The following GIPR variants were observed in gnomAD, a reference collection of about 807,000 sequenced individuals.
GIPR encodes GIP-R.
Under a neutral mutation model 62.2 loss-of-function variants are expected in GIPR, and 74 were observed. The ratio of observed to expected loss-of-function variants is 1.19; its 90% CI spans 0.99 to 1.44. GIPR has a LOEUF of 1.44. Among genes scored for constraint, GIPR ranks in the 40% most tolerant of loss-of-function variants. GIPR has a pLI of 0.00. For missense variants in GIPR, 664 were observed against 611.8 expected, an observed-to-expected ratio of 1.09 and a Z score of -0.90; for synonymous variants, 256 against 262.2, an observed-to-expected ratio of 0.98 and a Z score of 0.23.
In GIPR at chr19:45,677,373, G is replaced by A. The variant is rs200602516; in HGVS notation, c.844G>A (p.Glu282Lys). The A allele has an allele frequency of 6.9e-6, 11 of 1,590,080 alleles. No individual in the cohort carries two copies. In the Admixed American group the frequency reaches 1.0e-4, roughly 15 times the overall value. ...CTGGGTGATCGTCAGGTACCTGTAC[G>A]AGAACACGCAGTGAGTTGCAGGGTC... ...IPWVIVRYLY[E>K]NTQCWERNEV... Residue 282 changes from glutamate to lysine, a missense_variant, in exon 9 of 14, where the codon GAG becomes AAG. Coordinates refer to ENST00000590918, the MANE Select transcript of GIPR (RefSeq NM_000164.4).
rs1213828181 is a variant in GIPR at position 45,677,914 on chromosome 19, C to T, written c.933C>T (p.Phe311=). ...CTTATCTCTCCCCACAGATTAATTT[C>T]CTCATTTTTATCCGCATTCTTGGCA... ...TPILMTILIN[F]LIFIRILGIL... is the part of the protein sequence containing the mutation. Residue 311 remains phenylalanine, a synonymous_variant, in exon 11 of 14, where the codon TTC becomes TTT. Transcript: ENST00000590918. 1.2e-6 allele frequency: 2 copies of T among 1,613,810 alleles called. No individual in the cohort carries two copies. Among genetic ancestry groups the T allele is most frequent in the African/African-American group, 1.3e-5 (1 of 74,932 alleles).
rs890799898 is a variant in GIPR, at chr19:45,670,509, C to T, written c.73-126C>T. On this transcript the variant is annotated intron_variant, in intron 2 of 13. Coordinates refer to ENST00000590918, the MANE Select transcript of GIPR (RefSeq NM_000164.4). ...GACTTGGAACTGGTTTCCAAGCTACCCAAGACTCCCGAACAACACGCAACA... is the reference window on the plus strand; with the variant it reads ...GACTTGGAACTGGTTTCCAAGCTACTCAAGACTCCCGAACAACACGCAACA... 1.1e-5 allele frequency: 7 copies of T among 645,992 alleles called. No homozygotes were observed. The East Asian group carries it at 1.7e-4, about 15-fold the overall frequency. The allele number at this position is 645,992 out of a possible 1,614,324, so 40.0% of individuals were successfully genotyped here. A position where few individuals can be genotyped will look rare whatever the true frequency, so the allele number is the denominator to read the frequency against.
chr19:45,677,876 G>A (rs1181700937), intron 10 of GIPR, 30 bp from the exon 11 acceptor site: 3 of 1,608,360 alleles, frequency 1.9e-6, no homozygotes, highest in South Asian at 1.1e-5. Context: ...ATGGGATCGC[G>A]GCTGGCTCAG....
intron 8 of GIPR, 96 bp from the exon 9 acceptor site, chr19:45,677,227 C>A (rs1204365104): frequency 3.7e-5 from 51 of 1,378,994 alleles, no homozygotes; most frequent in Middle Eastern, 2.5e-4. Flanking sequence ...CTTCCCCACC[C>A]CGACAGAGGA....
intron 2 of GIPR, among the ~76,000 whole-genome samples, chr19:45,669,984 GA>G (rs1975453299): frequency 2.0e-5 from 3 of 151,670 alleles, no homozygotes; most frequent in Admixed American, 1.3e-4. Flanking sequence ...AGCGCAAAGA[GA>G]GTTTCAAGAC....
At chr19:45,678,281 A>G (rs1480054520) in intron 12 of GIPR, 55 bp downstream of exon 12, 6 of 1,534,464 alleles carry the variant, frequency 3.9e-6, no homozygotes, top group East Asian at 2.4e-5. Context: ...TCCTCCCCAG[A>G]GGGGCACGAA....
At chr19:45,674,049 C>G (rs749414490) in intron 5 of GIPR, 25 bp from the exon 6 acceptor site, 36 of 1,412,872 alleles carry the variant, frequency 2.5e-5, no homozygotes, top group Non-Finnish European at 3.2e-5. Context: ...AAGCCTTGTT[C>G]CCTTCCCCTT....
Position 45,683,114 on chromosome 19 carries a change from TAG to T in GIPR, c.*1185_*1186del, listed in dbSNP as rs1261302113. On this transcript the variant is annotated 3_prime_UTR_variant, in exon 14 of 14. Transcript: ENST00000590918. ...CTTTGGATGGTGGAGAGACTAAAGA[TAG>T]AGAGATTGGGTTCGGGTAGGGGGAG... 1 of 152,392 alleles carries T rather than the reference TAG, an allele frequency of 6.6e-6. No homozygotes were observed. The highest frequency in any genetic ancestry group is 2.4e-5 in the African/African-American group (1 of 41,244). The allele number at this position is 152,392 out of a possible 1,614,324, so 9.4% of individuals were successfully genotyped here. A position where few individuals can be genotyped will look rare whatever the true frequency, so the allele number is the denominator to read the frequency against.
intron 1 of GIPR, among the ~76,000 whole-genome samples, chr19:45,669,209 C>T (rs1975408283): frequency 6.6e-6 from 1 of 152,168 alleles, no homozygotes; most frequent in East Asian, 1.9e-4. Flanking sequence ...CCCCCCCTTC[C>T]ACCTTTGCTG....
In GIPR at chr19:45,672,618, C is replaced by T. The variant is rs1394342988; in HGVS notation, c.281-233C>T. ...CCACGCCCAGCCTTAACATTTTGTA[C>T]CTCAATTTTCCCATATGTAGAACTA... On this transcript the variant is annotated intron_variant, in intron 4 of 13. Transcript: ENST00000590918. The T allele has an allele frequency of 2.6e-5, 12 of 469,090 alleles. No homozygotes were observed. In the East Asian group the frequency reaches 5.1e-4, roughly 20 times the overall value. The allele number at this position is 469,090 out of a possible 1,614,324, so 29.1% of individuals were successfully genotyped here.
At chr19:45,681,575 GAT>G in intron 12 of GIPR, 27 bp from the exon 13 acceptor site, 2 of 1,608,210 alleles carry the variant, frequency 1.2e-6, no homozygotes, top group Non-Finnish European at 8.5e-7. Context: ...CCCCACCAGC[GAT>G]GTAACCTCCG....
At chr19:45,674,604 T>TA in intron 6 of GIPR, 78 bp from the exon 7 acceptor site, 1 of 1,393,722 alleles carries the variant, frequency 7.2e-7, no homozygotes, top group Non-Finnish European at 1.0e-6. Flanking sequence ...GAGACCCTGT[T>TA]TAAAAAAAAA....
chr19:45,674,319 T>C lies in GIPR; in HGVS notation c.488+142T>C, dbSNP rs1975717317. ...GAGCAGTGGGGGTGGTTAAAGGAGC[T>C]CTGTGTGGCCGGGAGCGGTGGCTGA... On this transcript the variant is annotated intron_variant, in intron 6 of 13. Coordinates refer to ENST00000590918, the MANE Select transcript of GIPR (RefSeq NM_000164.4). 36 of 727,484 alleles carry C rather than the reference T, an allele frequency of 4.9e-5. No homozygotes were observed. The South Asian group carries it at 5.0e-4, about 10-fold the overall frequency. The allele number at this position is 727,484 out of a possible 1,614,324, so 45.1% of individuals were successfully genotyped here.
rs559751662 is a variant in GIPR at position 45,668,568 on chromosome 19, G to A, written c.-45+270G>A. On this transcript the variant is annotated intron_variant, in intron 1 of 13. Transcript: ENST00000590918. The stretch of plus-strand genomic sequence containing the variant: ...AGCCCACATCTGCGTCTCTTTCTCT[G>A]TTTGTTTTTCTCTGGTCTCTGGCTG... Among the ~76,000 whole-genome samples, 3 of 152,218 alleles carry A rather than the reference G, an allele frequency of 2.0e-5. No homozygotes were observed. The East Asian group carries it at 5.8e-4, about 29-fold the overall frequency.
Position 45,675,038 on chromosome 19 carries a change from C to T in GIPR, c.633+212C>T, listed in dbSNP as rs367705204. On this transcript the variant is annotated intron_variant, in intron 7 of 13. Coordinates refer to ENST00000590918, the MANE Select transcript of GIPR (RefSeq NM_000164.4). Reference sequence around the variant, plus strand: ...TCTGCCATCATTTAACTCTCCCAGCCTATCACTCCCATACTGGAATTTTCC... The same window carrying T: ...TCTGCCATCATTTAACTCTCCCAGCTTATCACTCCCATACTGGAATTTTCC... 7 of 628,204 alleles carry T rather than the reference C, an allele frequency of 1.1e-5. No individual in the cohort carries two copies. In the Admixed American group the frequency reaches 1.6e-4, roughly 14 times the overall value. 38.9% of individuals were successfully genotyped at this position (628,204 alleles called of 1,614,324 possible).
chr19:45,675,986 A>G (rs1975832213), intron 7 of GIPR, among the ~76,000 whole-genome samples: 1 of 152,128 alleles, frequency 6.6e-6, no homozygotes, highest in South Asian at 2.1e-4. Context: ...AAGGCAGGAC[A>G]CAAGGTCAGG....
intron 5 of GIPR, 23 bp downstream of exon 5, chr19:45,672,977 G>A: frequency 7.4e-7 from 1 of 1,347,594 alleles, no homozygotes; most frequent in Non-Finnish European, 1.1e-6. Context: ...GAGGGCTTCA[G>A]GTTAGGAGTC....
chr19:45,681,651 C>A lies in GIPR; in HGVS notation c.1194+6C>A, dbSNP rs572279132. On this transcript the variant is annotated splice_donor_region_variant and intron_variant, in intron 13 of 13. Coordinates refer to ENST00000590918, the MANE Select transcript of GIPR (RefSeq NM_000164.4). ...ACTGCTTCATCAACAAGGAGGTAGG[C>A]AGAGACCCGGCCGCCGCCCCCGCCC... 5.0e-6 allele frequency: 8 copies of A among 1,613,678 alleles called. No homozygotes were observed. Among genetic ancestry groups the A allele is most frequent in the Non-Finnish European group, 6.8e-6 (8 of 1,179,782 alleles).
chr19:45,677,295 TGGGGGGGC>T lies in GIPR; in HGVS notation c.794-23_794-16del. ...GAGCGCGCTGACAGCTGCGGCGGGG[TGGGGGGGC>T]GGGGTCGGGGTCTGCACAGGGGCCC... On this transcript the variant is annotated intron_variant, in intron 8 of 13. Transcript: ENST00000590918. 1.1e-6 allele frequency: 1 copy of T among 914,840 alleles called. No individual in the cohort carries two copies. The highest frequency in any genetic ancestry group is 1.6e-6 in the Non-Finnish European group (1 of 638,754). The allele number at this position is 914,840 out of a possible 1,614,324, so 56.7% of individuals were successfully genotyped here.
Sources: allele counts gnomAD v4.1 joint callset (sites outside exome capture counted in the v4.1 genomes callset), GRCh38; gene constraint gnomAD v4.1.1; transcripts MANE v1.5; gene names NCBI Gene and HGNC (gene_info 2026-07-23, HGNC 2026-07-21).